Variants in USP15 observed in about 807,000 individuals in gnomAD.
USP15 encodes the protein ubiquitin specific peptidase 15, also known as ubiquitin carboxyl-terminal hydrolase 15.
A neutral mutation model predicts 127.1 loss-of-function variants in USP15; 18 were observed. The ratio of observed to expected loss-of-function variants is 0.14; its 90% confidence interval spans 0.10 to 0.21. USP15 has a LOEUF of 0.21. USP15 is among the 10% of genes least tolerant of loss of function. USP15 has a pLI of 1.00. For missense variants in USP15, 805 were observed against 1,159.9 expected (o/e 0.69, Z 4.44); for synonymous variants, 364 against 393.7 (o/e 0.92, Z 0.89).
Position 62,380,599 on chromosome 12 carries a change from T to G in USP15, c.916-891T>G, listed in dbSNP as rs547667711. On this transcript the variant is annotated intron_variant, in intron 8 of 21. Coordinates refer to ENST00000280377, the MANE Select transcript of USP15 (RefSeq NM_001252078.2). The stretch of plus-strand genomic sequence containing the variant: ...TAGCTTCCTTGCAGCACTTTGCCAC[T>G]TAATTCCAACACAAATATCATCCTA... Among the ~76,000 whole-genome samples, 6 of 152,180 alleles carry G rather than the reference T, an allele frequency of 3.9e-5. No homozygotes were observed. In the East Asian group the frequency reaches 1.2e-3, roughly 29 times the overall value.
chr12:62,271,188 TA>T (rs1261415578), intron 1 of USP15, among the ~76,000 whole-genome samples: 2 of 152,204 alleles, frequency 1.3e-5, no homozygotes, highest in South Asian at 2.1e-4. Context: ...AAACTCACAT[TA>T]ATCCTTCAAA....
chr12:62,302,743 A>G, intron 2 of USP15, 47 bp from the exon 3 acceptor site: 1 of 1,561,080 alleles, frequency 6.4e-7, no homozygotes, highest in East Asian at 2.3e-5. Context: ...AATGTGTCCA[A>G]ACAAAGTATT....
chr12:62,288,137 G>C (rs1344166428), intron 1 of USP15, among the ~76,000 whole-genome samples: 1 of 152,026 alleles, frequency 6.6e-6, no homozygotes, highest in East Asian at 1.9e-4. Flanking sequence ...CATGATGTTG[G>C]TATTTTGATA....
intron 21 of USP15, among the ~76,000 whole-genome samples, chr12:62,402,594 A>G (rs1439381365): frequency 2.6e-5 from 4 of 152,100 alleles, no homozygotes; most frequent in Non-Finnish European, 5.9e-5. Flanking sequence ...GAGGCATGAC[A>G]AAGCGTGACA....
rs143536843 is a variant in USP15 at position 62,406,552 on chromosome 12, A to G, written c.*2177A>G. 1 of 152,362 alleles carries G rather than the reference A, an allele frequency of 6.6e-6. No homozygotes were observed. The highest frequency in any genetic ancestry group is 2.4e-5 in the African/African-American group (1 of 41,584). The allele number at this position is 152,362 out of a possible 1,614,324, so 9.4% of individuals were successfully genotyped here. ...CCTGTCATTAACTTCTGTTCCCACT[A>G]AAAGAAGTGATGTTAATAATGCCAT... On this transcript the variant is annotated 3_prime_UTR_variant, in exon 22 of 22. Coordinates refer to ENST00000280377, the MANE Select transcript of USP15 (RefSeq NM_001252078.2).
intron 1 of USP15, among the ~76,000 whole-genome samples, chr12:62,293,863 A>T (rs1444349034): frequency 6.6e-6 from 1 of 152,120 alleles, no homozygotes; most frequent in African/African-American, 2.4e-5. Context: ...ACCATATTGC[A>T]TTTTTAAATT....
chr12:62,328,386 GT>G (rs1268120036), intron 6 of USP15: 11 of 406,870 alleles, frequency 2.7e-5, no homozygotes, highest in Non-Finnish European at 5.0e-5. Flanking sequence ...CAATGCCTGT[GT>G]TCCAATAAAG....
At chr12:62,277,258 T>C (rs2063520298) in intron 1 of USP15, among the ~76,000 whole-genome samples, 2 of 152,202 alleles carry the variant, frequency 1.3e-5, no homozygotes, top group Admixed American at 6.6e-5. Flanking sequence ...ATGGTATTTA[T>C]ATATTTCCTA....
At position 62,389,779 on chromosome 12, in the gene USP15, T is replaced by A; in HGVS notation, c.1653-18T>A. 2 of 1,603,666 alleles carry A rather than the reference T, an allele frequency of 1.2e-6. No individual in the cohort carries two copies. Among genetic ancestry groups the A allele is most frequent in the Non-Finnish European group, 1.7e-6 (2 of 1,174,242 alleles). ...AACATAAAATTTTGAGAGTTTATGG[T>A]CAGTTTTGTCCTTGTAGGTTTGAAA... On this transcript the variant is annotated intron_variant, in intron 13 of 21. Coordinates refer to ENST00000280377, the MANE Select transcript of USP15 (RefSeq NM_001252078.2).
At chr12:62,347,156 T>G (rs1258571213) in intron 6 of USP15, among the ~76,000 whole-genome samples, 1 of 152,104 alleles carries the variant, frequency 6.6e-6, no homozygotes, top group Non-Finnish European at 1.5e-5. Context: ...TTAATAAATG[T>G]TTGAGTGTTT....
intron 5 of USP15, among the ~76,000 whole-genome samples, chr12:62,323,512 T>C (rs931260094): frequency 6.6e-6 from 1 of 152,178 alleles, no homozygotes; most frequent in Non-Finnish European, 1.5e-5. Context: ...AGAGAAATCT[T>C]ACAAAATCCA....
chr12:62,347,926 C>G (rs2065867153), intron 6 of USP15, among the ~76,000 whole-genome samples: 1 of 152,118 alleles, frequency 6.6e-6, no homozygotes, highest in Admixed American at 6.6e-5. Context: ...AGGCCTGGTG[C>G]AGCCTGTAAT....
chr12:62,328,241 C>A, intron 6 of USP15: 1 of 435,164 alleles, frequency 2.3e-6, no homozygotes. Flanking sequence ...TTATAAAAAG[C>A]AGTTGTTTTT....
chr12:62,287,003 T>C (rs1237474508), intron 1 of USP15, among the ~76,000 whole-genome samples: 1 of 150,654 alleles, frequency 6.6e-6, no homozygotes, highest in Non-Finnish European at 1.5e-5. Flanking sequence ...AAGAATGAAA[T>C]TGTATCCTTT....
At chr12:62,309,231 G>A (rs2064583423) in intron 3 of USP15, among the ~76,000 whole-genome samples, 2 of 152,050 alleles carry the variant, frequency 1.3e-5, no homozygotes, top group African/African-American at 4.8e-5. Flanking sequence ...AACCTATATT[G>A]CGAATGAAAA....
Position 62,383,835 on chromosome 12 carries a change from TACAGAC to T in USP15, c.1090_1095del (p.Thr364_Gln365del). 1 of 1,609,764 alleles carries T rather than the reference TACAGAC, an allele frequency of 6.2e-7. No individual in the cohort carries two copies. Among genetic ancestry groups the T allele is most frequent in the Non-Finnish European group, 8.5e-7 (1 of 1,177,954 alleles). ...ACTGATTTGATGGTTTTGCATTTCT[TACAGAC>T]ACAGGTAGGACGTTTTGCACCTCAG... On this transcript the variant is annotated splice_acceptor_variant and splice_polypyrimidine_tract_variant and coding_sequence_variant and intron_variant, in exon 10 of 22. Coordinates refer to ENST00000280377, the MANE Select transcript of USP15 (RefSeq NM_001252078.2). LOFTEE classifies it high-confidence loss of function.
At chr12:62,314,989 T>C in intron 4 of USP15, 73 bp downstream of exon 4, 1 of 1,324,810 alleles carries the variant, frequency 7.5e-7, no homozygotes, top group Non-Finnish European at 9.9e-7. Context: ...TTGTATATGC[T>C]ACTTGGATGA....
chr12:62,404,081 T>A, intron 21 of USP15, 112 bp from the exon 22 acceptor site: 1 of 1,296,630 alleles, frequency 7.7e-7, no homozygotes, highest in Non-Finnish European at 1.0e-6. Context: ...TGCATGGTTT[T>A]TCTATTTGAT....
At chr12:62,296,263 C>G (rs2137163681) in intron 2 of USP15, among the ~76,000 whole-genome samples, 1 of 152,320 alleles carries the variant, frequency 6.6e-6, no homozygotes, top group Middle Eastern at 3.4e-3. Context: ...GATATCTTGA[C>G]TTCAGCCTTG....
Sources: gnomAD v4.1 joint callset for allele counts (sites outside exome capture counted in the v4.1 genomes callset) on GRCh38, gnomAD v4.1.1 for gene constraint, MANE v1.5 for transcripts, NCBI Gene and HGNC (gene_info 2026-07-23, HGNC 2026-07-21) for gene names.